The following GRIN2A variants were observed in gnomAD, a reference collection of about 807,000 sequenced individuals.
The protein encoded by GRIN2A is glutamate receptor ionotropic, NMDA 2A.
In GRIN2A, 22 loss-of-function variants were observed where a neutral mutation model predicts 113.4. The ratio of observed to expected loss-of-function variants is 0.19; its 90% CI spans 0.14 to 0.28. GRIN2A has a LOEUF of 0.28. Ranked by LOEUF, GRIN2A falls within the 10% of genes least tolerant of loss-of-function variation. The probability of loss-of-function intolerance (pLI) is 1.00; values close to 1 mark genes in which losing one functional copy is unlikely to be tolerated. For missense variants in GRIN2A, 1,502 were observed against 1,887.0 expected (o/e 0.80, Z 3.78); for synonymous variants, 827 against 738.4 (o/e 1.12, Z -1.94).
chr16:9,842,684 C>G (rs1379607602), intron 5 of GRIN2A, among the ~76,000 whole-genome samples: 1 of 152,160 alleles, frequency 6.6e-6, no homozygotes, highest in Non-Finnish European at 1.5e-5. Flanking sequence ...TTCCTGTAAT[C>G]TCAGCACTTT....
At chr16:10,111,269 TA>T in intron 2 of GRIN2A, 1 of 341,204 alleles carries the variant, frequency 2.9e-6, no homozygotes, top group Non-Finnish European at 5.7e-6. Flanking sequence ...TAACCACCAC[TA>T]TGGGCATTAA....
At position 9,847,778 on chromosome 16, in the gene GRIN2A, C is replaced by T. The variant is rs551640120; in HGVS notation, c.1328+1978G>A. On this transcript the variant is annotated intron_variant, in intron 5 of 12. Coordinates refer to ENST00000330684, the MANE Select transcript of GRIN2A (RefSeq NM_001134407.3). ...TACATTTTTAACATATAAAAACATA[C>T]GTTTTATACATTTCTAACATAACAG... Among the ~76,000 whole-genome samples, 256 of 147,986 alleles carry T rather than the reference C, an allele frequency of 1.7e-3. 1 individual carries two copies. The highest frequency in any genetic ancestry group is 6.0e-3 in the African/African-American group (245 of 40,734).
intron 2 of GRIN2A, among the ~76,000 whole-genome samples, chr16:10,158,911 A>G (rs1446992870): frequency 6.6e-6 from 1 of 152,214 alleles, no homozygotes; most frequent in Non-Finnish European, 1.5e-5. Context: ...AGAATGGCAG[A>G]TTCTATGTTA....
intron 3 of GRIN2A, among the ~76,000 whole-genome samples, chr16:9,896,907 G>A (rs2043817595): frequency 6.6e-6 from 1 of 152,064 alleles, no homozygotes; most frequent in Non-Finnish European, 1.5e-5. Context: ...ACACCTGCTG[G>A]GCACTTGTAT....
Position 10,179,981 on chromosome 16 carries a change from TCA to T in GRIN2A, c.414+15_414+16del, listed in dbSNP as rs773960093. 10 of 1,591,910 alleles carry T rather than the reference TCA, an allele frequency of 6.3e-6. No individual in the cohort carries two copies. Among genetic ancestry groups the T allele is most frequent in the Non-Finnish European group, 8.6e-6 (10 of 1,165,044 alleles). Reference sequence around the variant, plus strand: ...TGGCTTCCCAGGTCCTGGCAGGGCATCAGTTTCCGGCCTTACCTTGTCAGCCA... The same window carrying T: ...TGGCTTCCCAGGTCCTGGCAGGGCATGTTTCCGGCCTTACCTTGTCAGCCA... On this transcript the variant is annotated intron_variant, in intron 2 of 12. Transcript: ENST00000330684.
rs2042854385 is a variant in GRIN2A at position 9,849,970 on chromosome 16, C to T, written c.1123-9G>A. The T allele has an allele frequency of 1.2e-6, 2 of 1,611,318 alleles. No homozygotes were observed. The highest frequency in any genetic ancestry group is 8.5e-7 in the Non-Finnish European group (1 of 1,177,642). On this transcript the variant is annotated splice_polypyrimidine_tract_variant and intron_variant, in intron 4 of 12. Transcript: ENST00000330684. ...TTCTCCCACTTGCCCACCTGCAGCA[C>T]AAACACAAAGACACAGCTGTGCTTT...
chr16:9,933,762 G>A (rs1308133590), intron 3 of GRIN2A, among the ~76,000 whole-genome samples: 16 of 152,154 alleles, frequency 1.1e-4, no homozygotes, highest in Admixed American at 1.0e-3. Context: ...GTCCATCAAA[G>A]AGGAATTATG....
intron 2 of GRIN2A, among the ~76,000 whole-genome samples, chr16:10,157,161 G>A (rs1434194492): frequency 6.6e-6 from 1 of 152,204 alleles, no homozygotes; most frequent in East Asian, 1.9e-4. Flanking sequence ...AGCTCAGGTG[G>A]AAGGTGATAA....
At chr16:10,118,522 A>C (rs2048772257) in intron 2 of GRIN2A, among the ~76,000 whole-genome samples, 1 of 152,148 alleles carries the variant, frequency 6.6e-6, no homozygotes, top group Non-Finnish European at 1.5e-5. Flanking sequence ...TCATCCATTC[A>C]TCCCCTCTGA....
intron 2 of GRIN2A, among the ~76,000 whole-genome samples, chr16:9,959,385 A>G (rs1016754460): frequency 6.6e-6 from 1 of 152,222 alleles, no homozygotes; most frequent in African/African-American, 2.4e-5. Flanking sequence ...CATGCCCTGC[A>G]TGTCTCCCCA....
chr16:10,161,846 C>T (rs899774808), intron 2 of GRIN2A, among the ~76,000 whole-genome samples: 2 of 152,178 alleles, frequency 1.3e-5, no homozygotes, highest in Admixed American at 6.5e-5. Flanking sequence ...AAGTGCATCA[C>T]TCCAATCTCT....
chr16:10,040,034 T>TGC (rs2047127235), intron 2 of GRIN2A, among the ~76,000 whole-genome samples: 1 of 660 alleles, frequency 1.5e-3, no homozygotes, highest in Admixed American at 0.017. Flanking sequence ...ACAAATATAC[T>TGC]ACACACATCC....
intron 2 of GRIN2A, among the ~76,000 whole-genome samples, chr16:9,973,819 T>C (rs1467395996): frequency 6.6e-6 from 1 of 151,996 alleles, no homozygotes; most frequent in Non-Finnish European, 1.5e-5. Flanking sequence ...TTAGTGAAAA[T>C]GCCCTTCAAG....
chr16:9,908,582 G>C (rs950778362), intron 3 of GRIN2A, among the ~76,000 whole-genome samples: 1 of 152,042 alleles, frequency 6.6e-6, no homozygotes, highest in Non-Finnish European at 1.5e-5. Flanking sequence ...AAAACCCAGG[G>C]GAAGAAGGAG....
intron 2 of GRIN2A, among the ~76,000 whole-genome samples, chr16:10,121,132 C>T (rs1454057648): frequency 6.6e-6 from 1 of 152,142 alleles, no homozygotes; most frequent in Admixed American, 6.6e-5. Flanking sequence ...AAGGGTGGGG[C>T]AACCACAAAG....
chr16:10,060,644 C>T (rs1423623726), intron 2 of GRIN2A, among the ~76,000 whole-genome samples: 1 of 152,190 alleles, frequency 6.6e-6, no homozygotes, highest in Non-Finnish European at 1.5e-5. Context: ...TTACTTTTAG[C>T]ACCATCTTCA....
Position 9,798,410 on chromosome 16 carries a change from C to A in GRIN2A, c.2223G>T (p.Arg741Ser). The change falls in exon 11 of 13, where the codon AGG becomes AGT. Residue 741 changes from arginine to serine, a missense_variant. By Grantham distance (110) the Arg-to-Ser change is moderately radical. Around this residue, in one of 7 missense-constraint regions of GRIN2A, gnomAD observed 101 missense variants for 240.4 expected, o/e 0.42. Coordinates refer to ENST00000330684, the MANE Select transcript of GRIN2A (RefSeq NM_001134407.3). ...TGGTCACCAGCTTGCAGCCTTCATC[C>A]CTCCCAGCCTTGTAATTCAAGACTG... ...DAAVLNYKAGRDEGCKLVTIG... is the reference protein window; with the variant it reads ...DAAVLNYKAGSDEGCKLVTIG... The A allele has an allele frequency of 6.2e-7, 1 of 1,614,112 alleles. No individual in the cohort carries two copies. The highest frequency in any genetic ancestry group is 1.1e-5 in the South Asian group (1 of 91,084).
intron 2 of GRIN2A, among the ~76,000 whole-genome samples, chr16:10,057,522 A>C (rs2047477143): frequency 6.6e-6 from 1 of 152,206 alleles, no homozygotes; most frequent in African/African-American, 2.4e-5. Flanking sequence ...TGAAGGAAAA[A>C]AATACAGCTC....
Position 9,780,592 on chromosome 16 carries a change from T to C in GRIN2A, c.2357-11503A>G, listed in dbSNP as rs1248933686. On this transcript the variant is annotated intron_variant, in intron 11 of 12. Transcript: ENST00000330684. ...GACTGGCATGGGCCATGAGGAAGCT[T>C]TCTAGGATAGTGGTCACATTTTATA... is the stretch of plus-strand genomic sequence containing the variant. Among the ~76,000 whole-genome samples the C allele has an allele frequency of 3.9e-5, 6 of 152,220 alleles. No individual in the cohort carries two copies. The East Asian group carries it at 1.2e-3, about 29-fold the overall frequency.
Sources: allele counts gnomAD v4.1 joint callset (sites outside exome capture counted in the v4.1 genomes callset), GRCh38; gene constraint gnomAD v4.1.1; regional missense constraint gnomAD v4.1.1; transcripts MANE v1.5; gene names NCBI Gene and HGNC (gene_info 2026-07-23, HGNC 2026-07-21).